The following FAM20A variants were observed in gnomAD, a reference collection of about 807,000 sequenced individuals.
FAM20A encodes pseudokinase FAM20A.
In FAM20A, 42 loss-of-function variants were observed where a neutral mutation model predicts 52.0. The observed-to-expected ratio is 0.81, with a 90% CI of 0.63 to 1.04. The LOEUF is 1.04. Ranked by LOEUF, FAM20A falls within the 50% of genes least tolerant of loss-of-function variation. FAM20A has a pLI of 0.00. For synonymous variants in FAM20A, 304 were observed against 298.9 expected (o/e 1.02, Z -0.18); for missense variants, 742 against 712.7 (o/e 1.04, Z -0.47).
chr17:68,584,384 A>C (rs967556296), intron 1 of FAM20A, among the ~76,000 whole-genome samples: 4 of 152,170 alleles, frequency 2.6e-5, no homozygotes, highest in Admixed American at 6.6e-5. Flanking sequence ...TTAAGATCTA[A>C]TGAGGCTATA....
At chr17:68,588,797 G>A (rs2088227501) in intron 1 of FAM20A, among the ~76,000 whole-genome samples, 2 of 152,220 alleles carry the variant, frequency 1.3e-5, no homozygotes, top group South Asian at 4.1e-4. Context: ...TAGAACTTCA[G>A]CATGTGAATT....
intron 1 of FAM20A, among the ~76,000 whole-genome samples, chr17:68,581,783 C>T (rs770614651): frequency 2.6e-5 from 4 of 151,940 alleles, no homozygotes; most frequent in Non-Finnish European, 5.9e-5. Flanking sequence ...ACCATGTTGG[C>T]CAGGATGGTC....
At chr17:68,572,128 C>T (rs2143804521) in intron 1 of FAM20A, among the ~76,000 whole-genome samples, 1 of 149,764 alleles carries the variant, frequency 6.7e-6, no homozygotes, top group Admixed American at 6.7e-5. Flanking sequence ...TTCCATGTTG[C>T]CCAGGCTGGT....
chr17:68,569,404 C>T (rs1431221244), intron 1 of FAM20A, among the ~76,000 whole-genome samples: 2 of 152,198 alleles, frequency 1.3e-5, no homozygotes, highest in Non-Finnish European at 2.9e-5. Context: ...ATCAGCACTC[C>T]TAACTGTAAC....
chr17:68,550,295 G>A (rs2086773222), intron 4 of FAM20A, among the ~76,000 whole-genome samples: 1 of 145,196 alleles, frequency 6.9e-6, no homozygotes, highest in Non-Finnish European at 1.5e-5. Flanking sequence ...ATTGTCTCAT[G>A]TACATTTCTG....
chr17:68,551,082 A>C, intron 4 of FAM20A: 1 of 1,234,356 alleles, frequency 8.1e-7, no homozygotes. Flanking sequence ...TCTTTTCTGC[A>C]GGTCACCTCA....
intron 1 of FAM20A, among the ~76,000 whole-genome samples, chr17:68,581,358 C>CTTTCTTTCTTTCTT: frequency 1.8e-5 from 2 of 112,630 alleles, no homozygotes; most frequent in South Asian, 5.6e-4. Context: ...GTTTTTCTTT[C>CTTTCTTTCTTTCTT]TTTCTTTCTT....
In FAM20A at chr17:68,582,780, ATTTTT is replaced by A. The variant is rs34025800; in HGVS notation, c.404+17478_404+17482del. ...CGCTTATGTGGAAGAGCCAGGATTA[ATTTTT>A]TTTTTTTTTTTTTTTTTTTTTTGAG... On this transcript the variant is annotated intron_variant, in intron 1 of 10. Transcript: ENST00000592554. Among the ~76,000 whole-genome samples the A allele has an allele frequency of 4.8e-4, 38 of 79,830 alleles. No homozygotes were observed. In the South Asian group the frequency reaches 9.4e-3, roughly 20 times the overall value. The allele number at this position is 79,830 out of a possible 152,430, so 52.4% of individuals were successfully genotyped here.
At chr17:68,539,118 A>T (rs961537950) in intron 10 of FAM20A, among the ~76,000 whole-genome samples, 1 of 152,226 alleles carries the variant, frequency 6.6e-6, no homozygotes, top group Non-Finnish European at 1.5e-5. Context: ...TAAAAATACC[A>T]TATTATTAAT....
In FAM20A at chr17:68,600,308, T is replaced by C. The variant is rs750046825; in HGVS notation, c.359A>G (p.Gln120Arg). 6.3e-6 allele frequency: 10 copies of C among 1,585,776 alleles called. No individual in the cohort carries two copies. In the South Asian group the frequency reaches 9.2e-5, roughly 15 times the overall value. The change falls in exon 1 of 11, where the codon CAG (glutamine) becomes CGG (arginine). Residue 120 changes from glutamine to arginine, a missense_variant. Gln to Arg is a conservative substitution (Grantham distance 43, BLOSUM62 1). Coordinates refer to ENST00000592554, the MANE Select transcript of FAM20A (RefSeq NM_017565.4). This position sits in a 1 kb window ranked among gnomAD's most constrained non-coding sequence, Gnocchi z 6.2. ...LGAEDSLLAS[Q>R]EALRYYRRKV... ...CCTCCGGTAATACCGCAGCGCCTCC[T>C]GGCTGGCCAGGAGCGAGTCCTCGGC... is the stretch of plus-strand genomic sequence containing the variant.
chr17:68,560,403 G>A (rs1425434232), intron 1 of FAM20A, among the ~76,000 whole-genome samples: 1 of 151,726 alleles, frequency 6.6e-6, no homozygotes, highest in Non-Finnish European at 1.5e-5. Context: ...TATGTGAAGA[G>A]AGAAGGCTTC....
chr17:68,543,178 T>A (rs1294476116), intron 5 of FAM20A, among the ~76,000 whole-genome samples: 4 of 152,090 alleles, frequency 2.6e-5, no homozygotes, highest in African/African-American at 9.7e-5. Flanking sequence ...GGCTGAGATT[T>A]CTTATTTCTA....
Position 68,539,871 on chromosome 17 carries a change from G to T in FAM20A, c.1301+14C>A, listed in dbSNP as rs370751691. The T allele has an allele frequency of 1.2e-6, 2 of 1,613,008 alleles. No individual in the cohort carries two copies. The highest frequency in any genetic ancestry group is 1.7e-5 in the Admixed American group (1 of 59,978). ...TGGGAGAGGGGATTGTTGAACACAC[G>T]TGGGGAAGCTCACCCTCTGGCGTTG... On this transcript the variant is annotated intron_variant, in intron 9 of 10. Transcript: ENST00000592554.
chr17:68,577,801 AT>A (rs1363259126), intron 1 of FAM20A, among the ~76,000 whole-genome samples: 1 of 152,142 alleles, frequency 6.6e-6, no homozygotes, highest in Non-Finnish European at 1.5e-5. Flanking sequence ...ATGTTACTTA[AT>A]TGTTTAAAAA....
intron 1 of FAM20A, among the ~76,000 whole-genome samples, chr17:68,588,127 T>TA (rs747336414): frequency 0.035 from 5,013 of 141,690 alleles, 145 homozygotes; most frequent in South Asian, 0.16. Context: ...GCTTTTGACG[T>TA]AAAAAAAAAA....
chr17:68,600,559 C>T lies in FAM20A; in HGVS notation c.108G>A (p.Arg36=). The T allele has an allele frequency of 6.4e-7, 1 of 1,556,822 alleles. No homozygotes were observed. The highest frequency in any genetic ancestry group is 8.7e-7 in the Non-Finnish European group (1 of 1,151,280). ...GGCACCCCCGCGGGCGCTCCCGAGG[C>T]CGCAGCTGGCGCTGTACTTGGGGCC... ...HLWPQVQRQL[R]PRERPRGCPC... The change falls in exon 1 of 11, where the codon CGG becomes CGA. Residue 36 remains arginine (R), a synonymous_variant. Transcript: ENST00000592554. This position sits in a 1 kb window ranked among gnomAD's most constrained non-coding sequence, Gnocchi z 6.2.
chr17:68,592,370 A>G (rs1422720774), intron 1 of FAM20A, among the ~76,000 whole-genome samples: 1 of 152,254 alleles, frequency 6.6e-6, no homozygotes, highest in Admixed American at 6.5e-5. Context: ...ACTGAAGAAA[A>G]TCAGAATTAT....
chr17:68,594,516 T>C (rs2088401086), intron 1 of FAM20A, among the ~76,000 whole-genome samples: 1 of 152,228 alleles, frequency 6.6e-6, no homozygotes, highest in Admixed American at 6.5e-5. Context: ...GTAGGTCAGA[T>C]GTCCAGCTTG....
intron 1 of FAM20A, among the ~76,000 whole-genome samples, chr17:68,593,867 C>T (rs1273070846): frequency 6.6e-6 from 1 of 152,158 alleles, no homozygotes; most frequent in Non-Finnish European, 1.5e-5. Context: ...TTATATGGTA[C>T]ATATGGAGAG....
Sources: gnomAD v4.1 joint callset for allele counts (sites outside exome capture counted in the v4.1 genomes callset) on GRCh38, gnomAD v4.1.1 for gene constraint, Gnocchi (gnomAD v3.1) non-coding constraint, MANE v1.5 for transcripts, NCBI Gene and HGNC (gene_info 2026-07-23, HGNC 2026-07-21) for gene names.